Variants in CYFIP1 observed in about 807,000 individuals in gnomAD.
The protein encoded by CYFIP1 is cytoplasmic FMR1 interacting protein 1.
Under a neutral mutation model 163.5 loss-of-function variants are expected in CYFIP1, and 58 were observed. The ratio of observed to expected loss-of-function variants is 0.35; its 90% confidence interval spans 0.29 to 0.44. The LOEUF is 0.44. Ranked by LOEUF, CYFIP1 falls within the 20% of genes least tolerant of loss-of-function variation. The pLI is 1.00. For missense variants in CYFIP1, 1,338 were observed against 1,653.8 expected, an observed-to-expected ratio of 0.81 and a Z score of 3.31; for synonymous variants, 663 against 660.7, an observed-to-expected ratio of 1.00 and a Z score of -0.05.
At chr15:22,901,259 G>A (rs1159287341) in intron 22 of CYFIP1, among the ~76,000 whole-genome samples, 1 of 151,982 alleles carries the variant, frequency 6.6e-6, no homozygotes, top group Non-Finnish European at 1.5e-5. Flanking sequence ...CCACCAGTGT[G>A]AAGATAACTG....
At position 22,939,233 on chromosome 15, in the gene CYFIP1, T is replaced by G; in HGVS notation, c.754A>C (p.Arg252=). 1.2e-6 allele frequency: 2 copies of G among 1,614,212 alleles called. No individual in the cohort carries two copies. The highest frequency in any genetic ancestry group is 1.7e-6 in the Non-Finnish European group (2 of 1,180,034). ...TTCTCACTGGGCGTCAAATACATCC[T>G]GTTCTCGTAGTAATCCACACACAGA... The part of the protein sequence containing the change: ...VNLCVDYYEN[R]MYLTPSEKHM... Residue 252 remains arginine, a synonymous_variant, in exon 8 of 31, where the codon AGG becomes CGG. Coordinates refer to ENST00000617928, the MANE Select transcript of CYFIP1 (RefSeq NM_014608.6).
At chr15:22,916,024 C>T (rs887221620) in intron 16 of CYFIP1, among the ~76,000 whole-genome samples, 2 of 152,268 alleles carry the variant, frequency 1.3e-5, no homozygotes, top group East Asian at 3.9e-4. Context: ...GAACACGGGA[C>T]AGACACACGG....
rs111895273 is a variant in CYFIP1 at position 22,971,509 on chromosome 15, C to T, written c.-7+8778G>A. 4.1e-4 allele frequency among the ~76,000 whole-genome samples: 62 copies of T among 152,140 alleles called. 1 individual carries two copies. The highest frequency in any genetic ancestry group is 1.4e-3 in the African/African-American group (58 of 41,516). Reference sequence around the variant, plus strand: ...CCACCATGCAGAAACCCTATCTCTGCTAAAAATACAAAATTAGCCAGGCGT... The same window carrying T: ...CCACCATGCAGAAACCCTATCTCTGTTAAAAATACAAAATTAGCCAGGCGT... On this transcript the variant is annotated intron_variant, in intron 1 of 30. Coordinates refer to ENST00000617928, the MANE Select transcript of CYFIP1 (RefSeq NM_014608.6).
chr15:22,952,383 C>T (rs890113615), intron 1 of CYFIP1, among the ~76,000 whole-genome samples: 1 of 151,980 alleles, frequency 6.6e-6, no homozygotes, highest in African/African-American at 2.4e-5. Flanking sequence ...GGGGAGGACG[C>T]GGTGGCTCCA....
At chr15:22,976,743 C>A (rs924814421) in intron 1 of CYFIP1, among the ~76,000 whole-genome samples, 1 of 152,034 alleles carries the variant, frequency 6.6e-6, no homozygotes, top group Non-Finnish European at 1.5e-5. Context: ...GGAAAAAAAC[C>A]ACAGTACACG....
rs568118982 is a variant in CYFIP1 at position 22,876,687 on chromosome 15, C to T, written c.3043-1416G>A. On this transcript the variant is annotated intron_variant, in intron 26 of 30. Transcript: ENST00000617928. ...TCTCTACTAAAAACACAAAATTAGC[C>T]GGGTGTGGTGGCACATGCCTGTAAT... 3.7e-4 allele frequency among the ~76,000 whole-genome samples: 56 copies of T among 152,020 alleles called. 3 individuals are homozygous for T. The South Asian group carries it at 9.6e-3, about 26-fold the overall frequency.
At chr15:22,967,466 G>C (rs992965503) in intron 1 of CYFIP1, among the ~76,000 whole-genome samples, 1 of 152,100 alleles carries the variant, frequency 6.6e-6, no homozygotes, top group Non-Finnish European at 1.5e-5. Context: ...ATGTGAAGAG[G>C]AAGAACTCGG....
Position 22,867,054 on chromosome 15 carries a change from T to C in CYFIP1, c.*2974A>G, listed in dbSNP as rs2141707165. 1.9e-6 allele frequency: 1 copy of C among 524,498 alleles called. No homozygotes were observed. The allele number at this position is 524,498 out of a possible 1,614,324, so 32.5% of individuals were successfully genotyped here. On this transcript the variant is annotated 3_prime_UTR_variant, in exon 31 of 31. Coordinates refer to ENST00000617928, the MANE Select transcript of CYFIP1 (RefSeq NM_014608.6). ...AAAATGACCTCAGCACATGACGATTTCTATTAACATTTTATTGTTGTAGAA... is the reference window on the plus strand; with the variant it reads ...AAAATGACCTCAGCACATGACGATTCCTATTAACATTTTATTGTTGTAGAA...
At position 22,939,508 on chromosome 15, in the gene CYFIP1, C is replaced by T. The variant is rs1482010901; in HGVS notation, c.570-1G>A. The T allele has an allele frequency of 6.4e-7, 1 of 1,574,470 alleles. No individual in the cohort carries two copies. Among genetic ancestry groups the T allele is most frequent in the Admixed American group, 1.8e-5 (1 of 56,672 alleles). On this transcript the variant is annotated splice_acceptor_variant, in intron 6 of 30. Coordinates refer to ENST00000617928, the MANE Select transcript of CYFIP1 (RefSeq NM_014608.6). LOFTEE classifies it high-confidence loss of function. The stretch of plus-strand genomic sequence containing the variant: ...CATTTTACGTAAAAACTGAGCGGCC[C>T]TTTGAAAACAAAAAGAATTCATCCC...
At chr15:22,905,869 C>T (rs754693828) in intron 21 of CYFIP1, among the ~76,000 whole-genome samples, 3 of 151,940 alleles carry the variant, frequency 2.0e-5, no homozygotes, top group Non-Finnish European at 4.4e-5. Context: ...CTGCCATTCT[C>T]CTGCCTCAGC....
At chr15:22,884,051 C>T (rs1183705195) in intron 23 of CYFIP1, among the ~76,000 whole-genome samples, 1 of 152,098 alleles carries the variant, frequency 6.6e-6, no homozygotes, top group African/African-American at 2.4e-5. Flanking sequence ...CCCCCATGAA[C>T]CAGTCAACTC....
intron 13 of CYFIP1, among the ~76,000 whole-genome samples, chr15:22,923,942 C>CAAAAAAAAAAAAA (rs916058496): frequency 3.2e-5 from 2 of 61,816 alleles, no homozygotes; most frequent in African/African-American, 1.5e-4. Context: ...ACCTTGTCTC[C>CAAAAAAAAAAAAA]AAAAAAAAAA....
At chr15:22,960,531 C>G (rs376283518) in intron 1 of CYFIP1, among the ~76,000 whole-genome samples, 1 of 152,212 alleles carries the variant, frequency 6.6e-6, no homozygotes, top group East Asian at 1.9e-4. Flanking sequence ...AGCTCCGGGT[C>G]TTCACGAAAA....
At chr15:22,879,700 ATTC>A (rs1266424426) in intron 26 of CYFIP1, among the ~76,000 whole-genome samples, 1 of 152,122 alleles carries the variant, frequency 6.6e-6, no homozygotes, top group Non-Finnish European at 1.5e-5. Context: ...ACAGAAAAAC[ATTC>A]TTGAGACAGT....
intron 24 of CYFIP1, 145 bp downstream of exon 24, chr15:22,882,723 A>T: frequency 3.5e-6 from 3 of 868,226 alleles, no homozygotes; most frequent in African/African-American, 3.4e-5. Context: ...GGAAGTATCA[A>T]ACTATATATG....
At chr15:22,880,534 C>T (rs577833170) in intron 25 of CYFIP1, among the ~76,000 whole-genome samples, 2 of 152,158 alleles carry the variant, frequency 1.3e-5, no homozygotes, top group African/African-American at 2.4e-5. Context: ...AACGGCATCC[C>T]GGACAGCGGA....
At chr15:22,930,742 G>A (rs2061512179) in intron 11 of CYFIP1, among the ~76,000 whole-genome samples, 1 of 152,184 alleles carries the variant, frequency 6.6e-6, no homozygotes, top group African/African-American at 2.4e-5. Flanking sequence ...GTGTGTTTGT[G>A]TTTTAAGCAA....
intron 1 of CYFIP1, among the ~76,000 whole-genome samples, chr15:22,952,694 GT>G (rs1472266056): frequency 1.7e-5 from 1 of 58,828 alleles, no homozygotes; most frequent in Non-Finnish European, 3.7e-5. Context: ...TGGGGGTAAA[GT>G]TTATGTTATG....
At chr15:22,905,716 G>A in intron 21 of CYFIP1, among the ~76,000 whole-genome samples, 1 of 150,822 alleles carries the variant, frequency 6.6e-6, no homozygotes, top group Non-Finnish European at 1.5e-5. Context: ...GGAATTATAG[G>A]AGCGAGCCAC....
Sources: gnomAD v4.1 joint callset for allele counts (sites outside exome capture counted in the v4.1 genomes callset) on GRCh38, gnomAD v4.1.1 for gene constraint, MANE v1.5 for transcripts, NCBI Gene and HGNC (gene_info 2026-07-23, HGNC 2026-07-21) for gene names.